Variants in GAB3 observed in about 807,000 individuals in gnomAD.
GAB3 encodes GRB2 associated binding protein 3.
Under a neutral mutation model 40.4 loss-of-function variants are expected in GAB3, and 12 were observed. That is an observed-to-expected ratio of 0.30 (90% CI 0.19 to 0.48). GAB3 has a LOEUF of 0.48. GAB3 is among the 20% of genes least tolerant of loss of function. The probability of loss-of-function intolerance (pLI) is 0.99; values close to 1 mark genes in which losing one functional copy is unlikely to be tolerated. For synonymous variants in GAB3, 154 were observed against 176.7 expected (o/e 0.87, Z 1.02); for missense variants, 381 against 461.9 (o/e 0.82, Z 1.61).
chrX:154,693,568 T>C (rs2070605387), intron 8 of GAB3, among the ~76,000 whole-genome samples: 1 of 111,817 alleles, frequency 8.9e-6, no homozygotes, highest in African/African-American at 3.3e-5. Context: ...AACAGATCAA[T>C]GGTTGCTAGG....
chrX:154,691,605 C>T (rs1224907569), intron 8 of GAB3, among the ~76,000 whole-genome samples: 3 of 111,418 alleles, frequency 2.7e-5, no homozygotes, highest in East Asian at 2.8e-4. Flanking sequence ...TTATGCAAAA[C>T]GGTTTGCAGA....
At chrX:154,698,790 C>A (rs1192943828) in intron 6 of GAB3, among the ~76,000 whole-genome samples, 1 of 112,051 alleles carries the variant, frequency 8.9e-6, no homozygotes, top group Non-Finnish European at 1.9e-5. Context: ...TTGCCAAAAT[C>A]CTCTTCTATC....
chrX:154,751,430 G>T (rs1025775198), upstream of GAB3: 25 of 582,443 alleles, frequency 4.3e-5, no homozygotes, highest in African/African-American at 6.1e-4. Context: ...TCCCCAATCC[G>T]CCACGCCAAA....
chrX:154,700,154 A>G (rs1015224074), intron 4 of GAB3, 95 bp from the exon 5 acceptor site: 1 of 677,421 alleles, frequency 1.5e-6, no homozygotes, highest in East Asian at 3.3e-5. Flanking sequence ...AACAGTTGCT[A>G]TTAGAGTCTA....
intron 1 of GAB3, among the ~76,000 whole-genome samples, chrX:154,738,664 T>C (rs1364783870): frequency 2.7e-5 from 3 of 112,289 alleles, no homozygotes; most frequent in Non-Finnish European, 5.6e-5. Context: ...CTCTCTCACA[T>C]ACCTTATAAT....
chrX:154,740,459 T>C (rs1317837781), intron 1 of GAB3, among the ~76,000 whole-genome samples: 1 of 112,133 alleles, frequency 8.9e-6, no homozygotes, highest in Non-Finnish European at 1.9e-5. Flanking sequence ...CTTCTAGGAA[T>C]GTAAAAAGAT....
At position 154,712,507 on chromosome X, in the gene GAB3, T is replaced by C. The variant is rs782143381; in HGVS notation, c.791A>G (p.Asn264Ser). ...QAALIWSREI[N>S]GPPRDHLSSS... is the part of the protein sequence containing the mutation. Reference sequence around the variant, plus strand: ...AGACAAGTGGTCCCTGGGTGGCCCATTGATTTCTCTACTCCAGATCAGGGC... The same window carrying C: ...AGACAAGTGGTCCCTGGGTGGCCCACTGATTTCTCTACTCCAGATCAGGGC... Residue 264 changes from asparagine (N) to serine (S), a missense_variant, in exon 4 of 10, where the codon AAT becomes AGT. By Grantham distance (46) the Asn-to-Ser change is conservative (BLOSUM62 1). Transcript: ENST00000424127. 19 of 1,205,013 alleles carry C rather than the reference T, an allele frequency of 1.6e-5. No homozygotes were observed. Among genetic ancestry groups the C allele is most frequent in the South Asian group, 9.0e-5 (5 of 55,619 alleles).
rs1401895270 is a variant in GAB3 at position 154,711,458 on chromosome X, A to G, written c.1069+771T>C. 2.7e-5 allele frequency among the ~76,000 whole-genome samples: 3 copies of G among 111,861 alleles called. No individual in the cohort carries two copies. In the East Asian group the frequency reaches 8.4e-4, roughly 31 times the overall value. On this transcript the variant is annotated intron_variant, in intron 4 of 9. Coordinates refer to ENST00000424127, the MANE Select transcript of GAB3 (RefSeq NM_001081573.3). Reference sequence around the variant, plus strand: ...GGGCTTGAATTGGCTTTCACCAAACAGCTTCTGAAGGCCAGAGAGGCCCAG... The same window carrying G: ...GGGCTTGAATTGGCTTTCACCAAACGGCTTCTGAAGGCCAGAGAGGCCCAG...
At chrX:154,681,870 G>A (rs1557246859) in intron 8 of GAB3, among the ~76,000 whole-genome samples, 1 of 111,588 alleles carries the variant, frequency 9.0e-6, no homozygotes, top group African/African-American at 3.3e-5. Context: ...TGGATAACCT[G>A]GTTTCCCCCA....
chrX:154,687,956 T>C (rs1557248263), intron 8 of GAB3, among the ~76,000 whole-genome samples: 2 of 112,051 alleles, frequency 1.8e-5, no homozygotes, highest in African/African-American at 6.5e-5. Context: ...ACTGAAACAT[T>C]TGGACATCCA....
upstream of GAB3, chrX:154,751,084 G>C (rs1223354288): frequency 9.2e-6 from 7 of 764,248 alleles, no homozygotes; most frequent in South Asian, 6.5e-5. Flanking sequence ...GAAGGAAGTC[G>C]GGCCAAGGAT....
At chrX:154,724,051 A>G (rs781965273) in intron 1 of GAB3, among the ~76,000 whole-genome samples, 1 of 112,160 alleles carries the variant, frequency 8.9e-6, no homozygotes, top group African/African-American at 3.2e-5. Flanking sequence ...AGTAACTTAT[A>G]AAACGACAAT....
At chrX:154,720,029 A>G (rs2071104425) in intron 1 of GAB3, among the ~76,000 whole-genome samples, 1 of 111,931 alleles carries the variant, frequency 8.9e-6, no homozygotes, top group African/African-American at 3.3e-5. Flanking sequence ...TGGTCCTATA[A>G]GATTTTTTTT....
At chrX:154,679,299 G>C in intron 9 of GAB3, 1 of 333,489 alleles carries the variant, frequency 3.0e-6, no homozygotes, top group Non-Finnish European at 6.0e-6. Context: ...CTCTTGCCTC[G>C]GCCCTGGACT....
intron 1 of GAB3, among the ~76,000 whole-genome samples, chrX:154,743,245 A>G (rs2071474055): frequency 9.0e-6 from 1 of 110,632 alleles, no homozygotes; most frequent in Non-Finnish European, 1.9e-5. Context: ...TCAACCCATA[A>G]TTCTATGCCC....
chrX:154,715,778 A>C (rs2071037271), intron 2 of GAB3, among the ~76,000 whole-genome samples: 1 of 112,176 alleles, frequency 8.9e-6, no homozygotes. Flanking sequence ...CAAAGACATG[A>C]AGGGGTTTTA....
chrX:154,691,824 T>G (rs782181647), intron 8 of GAB3, among the ~76,000 whole-genome samples: 1 of 111,869 alleles, frequency 8.9e-6, no homozygotes, highest in Non-Finnish European at 1.9e-5. Context: ...GGCATAAGGA[T>G]AGACATATAG....
At chrX:154,700,125 A>T in intron 4 of GAB3, 66 bp from the exon 5 acceptor site, 1 of 901,343 alleles carries the variant, frequency 1.1e-6, no homozygotes, top group Non-Finnish European at 1.6e-6. Flanking sequence ...GAGTCCAGAG[A>T]GGCAGAGAAG....
chrX:154,705,135 C>A (rs2070788834), intron 4 of GAB3, among the ~76,000 whole-genome samples: 1 of 110,451 alleles, frequency 9.1e-6, no homozygotes, highest in Admixed American at 9.7e-5. Flanking sequence ...TTCTACGAGA[C>A]CAGCATCACC....
Sources: allele counts gnomAD v4.1 joint callset (sites outside exome capture counted in the v4.1 genomes callset), GRCh38; gene constraint gnomAD v4.1.1; transcripts MANE v1.5; gene names NCBI Gene and HGNC (gene_info 2026-07-23, HGNC 2026-07-21).